CRACDL: variants seen among roughly 807,000 people sequenced by gnomAD.
CRACDL encodes CRACD-like protein.
A neutral mutation model predicts 70.6 loss-of-function variants in CRACDL; 26 were observed. The ratio of observed to expected loss-of-function variants is 0.37; its 90% CI spans 0.27 to 0.51. The LOEUF is 0.51. CRACDL is among the 20% of genes least tolerant of loss of function. The pLI, the probability that CRACDL is intolerant of heterozygous loss-of-function variation, is 0.94. For synonymous variants in CRACDL, 618 were observed against 615.2 expected (o/e 1.00, Z -0.07); for missense variants, 1,283 against 1,376.9 (o/e 0.93, Z 1.08).
intron 2 of CRACDL, among the ~76,000 whole-genome samples, chr2:98,843,569 A>T (rs752234286): frequency 2.6e-4 from 39 of 152,290 alleles, no homozygotes; most frequent in Non-Finnish European, 4.9e-4. Flanking sequence ...ATAATCTGTG[A>T]GGTATATTTG....
intron 1 of CRACDL, among the ~76,000 whole-genome samples, chr2:98,923,082 C>T (rs1708841937): frequency 6.6e-6 from 1 of 151,884 alleles, no homozygotes; most frequent in Admixed American, 6.6e-5. Flanking sequence ...CCAGCCTGGG[C>T]AACACAGTGA....
chr2:98,811,041 T>A (rs1704534145), intron 7 of CRACDL, among the ~76,000 whole-genome samples: 1 of 151,846 alleles, frequency 6.6e-6, no homozygotes, highest in Admixed American at 6.6e-5. Flanking sequence ...AGCATTTTTG[T>A]GATTAAAATA....
At chr2:98,893,712 C>T (rs1708040589) in intron 1 of CRACDL, among the ~76,000 whole-genome samples, 1 of 152,120 alleles carries the variant, frequency 6.6e-6, no homozygotes, top group African/African-American at 2.4e-5. Context: ...GTGTATTTTC[C>T]CCCAATTACA....
chr2:98,900,613 G>A (rs533557527), intron 1 of CRACDL, among the ~76,000 whole-genome samples: 22 of 152,126 alleles, frequency 1.4e-4, no homozygotes, highest in South Asian at 4.1e-4. Context: ...GTGTGTGGGC[G>A]TGTGCATGCG....
intron 1 of CRACDL, among the ~76,000 whole-genome samples, chr2:98,877,684 G>T (rs953684818): frequency 6.6e-6 from 1 of 152,064 alleles, no homozygotes; most frequent in African/African-American, 2.4e-5. Context: ...GGGAGGAGGA[G>T]GTTGCAGTGA....
intron 8 of CRACDL, 85 bp from the exon 9 acceptor site, chr2:98,796,349 T>C: frequency 7.1e-7 from 1 of 1,413,502 alleles, no homozygotes; most frequent in Non-Finnish European, 9.9e-7. Context: ...GCTGCAAAGC[T>C]GCTCATCCAA....
rs556388099 is a variant in CRACDL, at chr2:98,866,274, G to T, written c.-10-19464C>A. Among the ~76,000 whole-genome samples, 12 of 152,116 alleles carry T rather than the reference G, an allele frequency of 7.9e-5. No individual in the cohort carries two copies. The East Asian group carries it at 2.3e-3, about 30-fold the overall frequency. On this transcript the variant is annotated intron_variant, in intron 1 of 9. Coordinates refer to ENST00000397899, the MANE Select transcript of CRACDL (RefSeq NM_207362.3). ...TCTGATGTTTAAAAACTAAAGTAAGGCGTGGCCTAGAGAAAGCCCCTTTCT... is the reference window on the plus strand; with the variant it reads ...TCTGATGTTTAAAAACTAAAGTAAGTCGTGGCCTAGAGAAAGCCCCTTTCT...
At chr2:98,922,153 T>C (rs1227825210) in intron 1 of CRACDL, among the ~76,000 whole-genome samples, 1 of 152,130 alleles carries the variant, frequency 6.6e-6, no homozygotes, top group Non-Finnish European at 1.5e-5. Context: ...GAAATTAAAA[T>C]AGCCGGGCAC....
At chr2:98,829,371 C>T (rs1231305137) in intron 5 of CRACDL, among the ~76,000 whole-genome samples, 1 of 152,234 alleles carries the variant, frequency 6.6e-6, no homozygotes, top group East Asian at 1.9e-4. Context: ...AGAACTCTCA[C>T]TTCTGTTTCC....
chr2:98,822,990 C>T lies in CRACDL; in HGVS notation c.1283G>A (p.Arg428His). Residue 428 changes from arginine (R) to histidine (H), a missense_variant, in exon 7 of 10, where the codon CGC becomes CAC. Arg to His is a conservative substitution (Grantham distance 29). This residue lies in a region of CRACDL where 921 missense variants were observed against 881.9 expected (regional missense o/e 1.04). Transcript: ENST00000397899. This position sits in a 1 kb window ranked among gnomAD's most constrained non-coding sequence, Gnocchi z 4.9. ...CGGGACACTGCGTTCTGGCCCGTCGCGAGCAGAGGGCGCCTCTGAGGTGGC... is the reference window on the plus strand; with the variant it reads ...CGGGACACTGCGTTCTGGCCCGTCGTGAGCAGAGGGCGCCTCTGAGGTGGC... ...PAATSEAPSA[R>H]DGPERSVPKE... 1 of 1,492,384 alleles carries T rather than the reference C, an allele frequency of 6.7e-7. No homozygotes were observed. The highest frequency in any genetic ancestry group is 8.9e-7 in the Non-Finnish European group (1 of 1,120,596). The allele number at this position is 1,492,384 out of a possible 1,614,324, so 92.4% of individuals were successfully genotyped here.
chr2:98,836,506 G>A (rs1705787608), intron 3 of CRACDL, among the ~76,000 whole-genome samples: 1 of 152,120 alleles, frequency 6.6e-6, no homozygotes, highest in Admixed American at 6.5e-5. Flanking sequence ...AAAGCACACC[G>A]TCTCCACTTT....
At chr2:98,809,351 C>T (rs1238625697) in intron 7 of CRACDL, among the ~76,000 whole-genome samples, 1 of 152,014 alleles carries the variant, frequency 6.6e-6, no homozygotes, top group East Asian at 1.9e-4. Context: ...TTCTCATTGT[C>T]CCCTTGTCCT....
chr2:98,816,193 C>T (rs1704777523), intron 7 of CRACDL, among the ~76,000 whole-genome samples: 1 of 152,188 alleles, frequency 6.6e-6, no homozygotes, highest in South Asian at 2.1e-4. Context: ...TGATCTATCT[C>T]CTCAGGCTAC....
rs555799639 is a variant in CRACDL at position 98,815,044 on chromosome 2, AT to A, written c.2416+6812del. On this transcript the variant is annotated intron_variant, in intron 7 of 9. Coordinates refer to ENST00000397899, the MANE Select transcript of CRACDL (RefSeq NM_207362.3). ...TAAAATTTCTATCTTTATAGCTTCT[AT>A]TTTTTTTTTACAGAGAATTTCTATC... 3.8e-4 allele frequency among the ~76,000 whole-genome samples: 56 copies of A among 147,946 alleles called. 1 individual carries two copies. The highest frequency in any genetic ancestry group is 2.1e-3 in the South Asian group (10 of 4,696).
intron 6 of CRACDL, among the ~76,000 whole-genome samples, chr2:98,824,708 T>C (rs1239464622): frequency 1.3e-5 from 2 of 152,248 alleles, no homozygotes; most frequent in East Asian, 3.8e-4. Context: ...AATAGGTTTT[T>C]CTTCTTGCTG....
intron 7 of CRACDL, among the ~76,000 whole-genome samples, chr2:98,821,328 C>G (rs532932010): frequency 6.6e-6 from 1 of 152,096 alleles, no homozygotes; most frequent in African/African-American, 2.4e-5. Flanking sequence ...GGACTACAGG[C>G]CCTCATTACC....
chr2:98,900,820 A>C (rs1247517475), intron 1 of CRACDL, among the ~76,000 whole-genome samples: 1 of 152,036 alleles, frequency 6.6e-6, no homozygotes, highest in Non-Finnish European at 1.5e-5. Context: ...AAATCTGGCC[A>C]CTCCACTCCA....
intron 7 of CRACDL, among the ~76,000 whole-genome samples, chr2:98,807,893 G>A (rs558954014): frequency 2.2e-4 from 33 of 152,274 alleles, no homozygotes; most frequent in African/African-American, 7.5e-4. Context: ...TTTTTGGGAA[G>A]AGCACAACCC....
At chr2:98,877,582 A>AC (rs1707517546) in intron 1 of CRACDL, among the ~76,000 whole-genome samples, 1 of 151,980 alleles carries the variant, frequency 6.6e-6, no homozygotes, top group Non-Finnish European at 1.5e-5. Flanking sequence ...CCCCGTTACT[A>AC]CTAAAAATAC....
Sources: allele counts gnomAD v4.1 joint callset (sites outside exome capture counted in the v4.1 genomes callset), GRCh38; gene constraint gnomAD v4.1.1; regional missense constraint gnomAD v4.1.1; non-coding constraint Gnocchi (gnomAD v3.1); transcripts MANE v1.5; gene names NCBI Gene and HGNC (gene_info 2026-07-23, HGNC 2026-07-21).